The following PPM1B variants were observed in gnomAD, a reference collection of about 807,000 sequenced individuals.
PPM1B encodes the protein protein phosphatase, Mg2+/Mn2+ dependent 1B, also known as protein phosphatase 1B.
In PPM1B, 22 loss-of-function variants were observed where a neutral mutation model predicts 43.0. The ratio of observed to expected loss-of-function variants is 0.51; its 90% CI spans 0.37 to 0.73. PPM1B has a LOEUF of 0.73. PPM1B is among the 30% of genes least tolerant of loss of function. The pLI is 0.00. For missense variants in PPM1B, 632 were observed against 584.2 expected, an observed-to-expected ratio of 1.08 and a Z score of -0.84; for synonymous variants, 217 against 197.9, an observed-to-expected ratio of 1.10 and a Z score of -0.81.
At chr2:44,232,830 C>T (rs533775271), downstream of PPM1B, 4 of 973,444 alleles carry the variant, frequency 4.1e-6, no homozygotes, top group Middle Eastern at 5.3e-4. Context: ...TGAGCAATTT[C>T]TATAGGATAT....
chr2:44,201,107 T>G lies in PPM1B; in HGVS notation c.-14-79T>G, dbSNP rs570708586. Reference sequence around the variant, plus strand: ...CTAAAAAAAATACTTGAGGTAGGAGTTACTAGACTATAGAGGGAATATTGT... The same window carrying G: ...CTAAAAAAAATACTTGAGGTAGGAGGTACTAGACTATAGAGGGAATATTGT... On this transcript the variant is annotated intron_variant, in intron 1 of 5. Transcript: ENST00000282412. The surrounding 1 kb of genome is among the most constrained non-coding windows in gnomAD (Gnocchi z 5.4). 9.4e-6 allele frequency: 13 copies of G among 1,375,936 alleles called. No homozygotes were observed. The African/African-American group carries it at 1.9e-4, about 20-fold the overall frequency. The allele number at this position is 1,375,936 out of a possible 1,614,324, so 85.2% of individuals were successfully genotyped here.
In PPM1B at chr2:44,181,981, A is replaced by C. The variant is rs565452499; in HGVS notation, c.-15+12707A>C. Among the ~76,000 whole-genome samples, 10 of 152,330 alleles carry C rather than the reference A, an allele frequency of 6.6e-5. No homozygotes were observed. The South Asian group carries it at 1.7e-3, about 25-fold the overall frequency. On this transcript the variant is annotated intron_variant, in intron 1 of 5. Coordinates refer to ENST00000282412, the MANE Select transcript of PPM1B (RefSeq NM_002706.6). ...AAGAATAAAGTTTTTTTGATTTGAG[A>C]GTGTTTTGAAAGTCAACACAACTGT... is the stretch of plus-strand genomic sequence containing the variant.
chr2:44,190,395 G>A (rs368098088), intron 1 of PPM1B, among the ~76,000 whole-genome samples: 8 of 152,148 alleles, frequency 5.3e-5, no homozygotes, highest in East Asian at 3.9e-4. Context: ...TTGAAGTCAC[G>A]TGATCTGCCC....
chr2:44,234,790 C>G (rs1315429985), downstream of PPM1B: 1 of 175,342 alleles, frequency 5.7e-6, no homozygotes, highest in Non-Finnish European at 1.1e-5. Flanking sequence ...ATTATACATA[C>G]TGTTTTAATT....
chr2:44,199,839 A>G (rs944540028), intron 1 of PPM1B, among the ~76,000 whole-genome samples: 2 of 152,222 alleles, frequency 1.3e-5, no homozygotes, highest in South Asian at 4.1e-4. Flanking sequence ...TAAAACTGGT[A>G]TGTAACTTAT....
At chr2:44,192,185 G>T (rs1157053716) in intron 1 of PPM1B, among the ~76,000 whole-genome samples, 2 of 98,638 alleles carry the variant, frequency 2.0e-5, no homozygotes, top group African/African-American at 8.8e-5. Context: ...GTTATGTTAT[G>T]TTATGGTATT....
In PPM1B at chr2:44,201,798, G is replaced by A. The variant is rs953576321; in HGVS notation, c.599G>A (p.Arg200His). 7 of 1,614,206 alleles carry A rather than the reference G, an allele frequency of 4.3e-6. No individual in the cohort carries two copies. The highest frequency in any genetic ancestry group is 1.7e-5 in the Admixed American group (1 of 60,026). The change falls in exon 2 of 6, where the codon CGT becomes CAT. Residue 200 changes from arginine to histidine, a missense_variant. Arg to His is a conservative substitution (Grantham distance 29). This residue lies in a region of PPM1B where 40 missense variants were observed against 80.8 expected (regional missense o/e 0.50). Transcript: ENST00000282412. The surrounding 1 kb of genome is among the most constrained non-coding windows in gnomAD (Gnocchi z 5.4). Reference sequence around the variant, plus strand: ...GTTAATGGTTCATTAGCAGTATCTCGTGCTCTGGGGGACTATGATTACAAG... The same window carrying A: ...GTTAATGGTTCATTAGCAGTATCTCATGCTCTGGGGGACTATGATTACAAG... Reference protein sequence around the residue: ...QRVNGSLAVSRALGDYDYKCV... With the variant: ...QRVNGSLAVSHALGDYDYKCV...
At chr2:44,176,341 C>T (rs1667579906) in intron 1 of PPM1B, among the ~76,000 whole-genome samples, 1 of 152,182 alleles carries the variant, frequency 6.6e-6, no homozygotes, top group Non-Finnish European at 1.5e-5. Context: ...TCTGTTCTTA[C>T]GTGAGTATAG....
chr2:44,209,264 G>A lies in PPM1B; in HGVS notation c.901G>A (p.Val301Ile), dbSNP rs759283615. 23 of 1,613,744 alleles carry A rather than the reference G, an allele frequency of 1.4e-5. No individual in the cohort carries two copies. The Admixed American group carries it at 3.2e-4, about 22-fold the overall frequency. The change falls in exon 3 of 6, where the codon GTC becomes ATC. Residue 301 changes from valine to isoleucine, a missense_variant. Val to Ile is a conservative substitution (Grantham distance 29). Transcript: ENST00000282412. ...VLVCFSNAPK[V>I]SDEAVKKDSE... is the part of the protein sequence containing the mutation. ...AGTTTGCTTTTCAAATGCTCCCAAG[G>A]TCTCAGATGAAGCGGTGAAAAAAGA... is the stretch of plus-strand genomic sequence containing the variant.
At chr2:44,191,745 A>T (rs1195140404) in intron 1 of PPM1B, among the ~76,000 whole-genome samples, 3 of 152,080 alleles carry the variant, frequency 2.0e-5, no homozygotes, top group Admixed American at 6.6e-5. Flanking sequence ...AATTATATGC[A>T]TTTTTATTCT....
intron 2 of PPM1B, among the ~76,000 whole-genome samples, chr2:44,208,205 A>G (rs1277622909): frequency 6.6e-6 from 1 of 151,996 alleles, no homozygotes; most frequent in Admixed American, 6.6e-5. Context: ...CCTTTTTAAC[A>G]TAGGTAATTT....
intron 5 of PPM1B, among the ~76,000 whole-genome samples, chr2:44,219,604 A>T (rs1669879020): frequency 6.6e-6 from 1 of 152,184 alleles, no homozygotes; most frequent in Non-Finnish European, 1.5e-5. Context: ...GGTCTAGAGC[A>T]GTGATTCTGA....
downstream of PPM1B, among the ~76,000 whole-genome samples, chr2:44,232,163 A>G (rs939182247): frequency 1.3e-5 from 2 of 152,244 alleles, no homozygotes; most frequent in Non-Finnish European, 2.9e-5. Flanking sequence ...TACACACACA[A>G]TATGCAATAC....
downstream of PPM1B, chr2:44,234,242 C>T (rs1160910342): frequency 2.6e-5 from 25 of 978,078 alleles, no homozygotes; most frequent in South Asian, 1.4e-4. Context: ...TGCCTTTGGC[C>T]GGGTGCATTG....
At chr2:44,192,789 A>T (rs1668468446) in intron 1 of PPM1B, among the ~76,000 whole-genome samples, 1 of 152,142 alleles carries the variant, frequency 6.6e-6, no homozygotes, top group South Asian at 2.1e-4. Flanking sequence ...ATTGTTTTAG[A>T]TGTCACATGC....
At chr2:44,230,373 G>GT in intron 5 of PPM1B, 40 bp from the exon 6 acceptor site, 1 of 1,598,428 alleles carries the variant, frequency 6.3e-7, no homozygotes. Flanking sequence ...TGATATCCTA[G>GT]TTTGTCTACT....
chr2:44,204,954 T>C (rs897600442), intron 2 of PPM1B, among the ~76,000 whole-genome samples: 2 of 151,792 alleles, frequency 1.3e-5, no homozygotes, highest in Non-Finnish European at 2.9e-5. Flanking sequence ...TCAGGTATTA[T>C]CCTATTTAAA....
At chr2:44,236,402 CAA>C (rs61414038), downstream of PPM1B, among the ~76,000 whole-genome samples, 26 of 47,530 alleles carry the variant, frequency 5.5e-4, no homozygotes, top group South Asian at 7.9e-4. Context: ...GACTCCGTCT[CAA>C]AAAAAAAAAA....
chr2:44,181,736 G>A (rs957127789), intron 1 of PPM1B, among the ~76,000 whole-genome samples: 7 of 152,156 alleles, frequency 4.6e-5, no homozygotes, highest in African/African-American at 1.7e-4. Flanking sequence ...CAGAGATGAA[G>A]TTTTTGATTA....
Sources: gnomAD v4.1 joint callset for allele counts (sites outside exome capture counted in the v4.1 genomes callset) on GRCh38, gnomAD v4.1.1 for gene constraint, gnomAD v4.1.1 regional missense constraint, Gnocchi (gnomAD v3.1) non-coding constraint, MANE v1.5 for transcripts, NCBI Gene and HGNC (gene_info 2026-07-23, HGNC 2026-07-21) for gene names.